The following GDA variants were observed in gnomAD, a reference collection of about 807,000 sequenced individuals.
GDA encodes the protein guanine deaminase, also known as cytoplasmic PSD-95 interactor.
A neutral mutation model predicts 59.6 loss-of-function variants in GDA; 18 were observed. That is an observed-to-expected ratio of 0.30 (90% CI 0.21 to 0.45). GDA has a LOEUF of 0.45. Among genes scored for constraint, GDA ranks in the 20% least tolerant of loss-of-function variants. The pLI is 1.00. For synonymous variants in GDA, 201 were observed against 201.1 expected (o/e 1.00, Z 0.00); for missense variants, 427 against 552.3 (o/e 0.77, Z 2.27).
chr9:72,248,396 C>G lies in GDA; in HGVS notation c.*54C>G, dbSNP rs1016917920. 2 of 1,610,064 alleles carry G rather than the reference C, an allele frequency of 1.2e-6. No individual in the cohort carries two copies. Among genetic ancestry groups the G allele is most frequent in the African/African-American group, 2.7e-5 (2 of 74,718 alleles). ...GGGATTAGCGTGGTTCTGCATCTCCCTTGTGCCCAGGTGGAGTTAGAAAGT... is the reference window on the plus strand; with the variant it reads ...GGGATTAGCGTGGTTCTGCATCTCCGTTGTGCCCAGGTGGAGTTAGAAAGT... On this transcript the variant is annotated 3_prime_UTR_variant, in exon 14 of 14. Coordinates refer to ENST00000358399, the MANE Select transcript of GDA (RefSeq NM_004293.5).
intron 8 of GDA, among the ~76,000 whole-genome samples, chr9:72,226,593 T>C (rs1454233214): frequency 6.6e-6 from 1 of 152,224 alleles, no homozygotes; most frequent in Non-Finnish European, 1.5e-5. Flanking sequence ...TTCAATGAAA[T>C]GTACAAACCG....
chr9:72,229,322 A>G (rs1046269193), intron 9 of GDA, among the ~76,000 whole-genome samples: 1 of 151,906 alleles, frequency 6.6e-6, no homozygotes, highest in Admixed American at 6.6e-5. Flanking sequence ...CTGCACTCCA[A>G]CCTGGGCGAC....
chr9:72,254,448 TA>T (rs1049510825), downstream of GDA, among the ~76,000 whole-genome samples: 20 of 145,280 alleles, frequency 1.4e-4, no homozygotes, highest in Middle Eastern at 3.5e-3. Flanking sequence ...AAAATGCAAT[TA>T]AAAAAAAAAC....
At chr9:72,172,967 G>A (rs1032159323) in intron 1 of GDA, among the ~76,000 whole-genome samples, 1 of 152,160 alleles carries the variant, frequency 6.6e-6, no homozygotes. Flanking sequence ...TTAGTGGGGA[G>A]ACAAATACCC....
intron 1 of GDA, among the ~76,000 whole-genome samples, chr9:72,143,086 C>A (rs1826499248): frequency 6.7e-6 from 1 of 149,186 alleles, no homozygotes; most frequent in Admixed American, 6.8e-5. Flanking sequence ...CTTTATAATC[C>A]ATGTTGGAGC....
At chr9:72,242,732 C>T (rs1839760484) in intron 11 of GDA, among the ~76,000 whole-genome samples, 1 of 152,116 alleles carries the variant, frequency 6.6e-6, no homozygotes, top group South Asian at 2.1e-4. Flanking sequence ...TTTCCAAAAT[C>T]CCAAGTTTCA....
rs75317624 is a variant in GDA at position 72,159,759 on chromosome 9, T to C, written c.123+10077T>C. Reference sequence around the variant, plus strand: ...AAACTTAAATAATTACTTTTGTAGATTGGGAATGGAGATTTGGAGCTATGG... The same window carrying C: ...AAACTTAAATAATTACTTTTGTAGACTGGGAATGGAGATTTGGAGCTATGG... On this transcript the variant is annotated intron_variant, in intron 1 of 13. Coordinates refer to ENST00000358399, the MANE Select transcript of GDA (RefSeq NM_004293.5). Among the ~76,000 whole-genome samples the C allele has an allele frequency of 6.0e-3, 908 of 152,318 alleles. 5 individuals carry two copies. The highest frequency in any genetic ancestry group is 0.021 in the African/African-American group (869 of 41,574).
intron 1 of GDA, among the ~76,000 whole-genome samples, chr9:72,159,915 A>G (rs1014967270): frequency 1.3e-5 from 2 of 152,172 alleles, no homozygotes; most frequent in African/African-American, 4.8e-5. Context: ...ATAACTTAAA[A>G]TTCACCATTT....
intron 1 of GDA, among the ~76,000 whole-genome samples, chr9:72,123,282 C>G (rs10869125): frequency 0.47 from 68,783 of 147,230 alleles, 17,709 homozygotes; most frequent in Non-Finnish European, 0.58. Context: ...CTCCCAGGTT[C>G]ACGCCATTCT....
At chr9:72,141,741 G>C (rs1826449242) in intron 1 of GDA, among the ~76,000 whole-genome samples, 1 of 152,194 alleles carries the variant, frequency 6.6e-6, no homozygotes, top group African/African-American at 2.4e-5. Context: ...GCTCAAACCA[G>C]TTAAGCTGCA....
At chr9:72,248,215 G>T in intron 13 of GDA, 57 bp from the exon 14 acceptor site, 1 of 1,182,212 alleles carries the variant, frequency 8.5e-7, no homozygotes, top group South Asian at 1.2e-5. Context: ...CAATGGCAAG[G>T]AAGATACTTA....
intron 12 of GDA, among the ~76,000 whole-genome samples, chr9:72,246,061 T>C: frequency 6.6e-6 from 1 of 152,176 alleles, no homozygotes; most frequent in East Asian, 1.9e-4. Flanking sequence ...AGAGGAAAAA[T>C]ATATTTTTCT....
chr9:72,240,396 A>G (rs1188127671), intron 10 of GDA, among the ~76,000 whole-genome samples: 2 of 152,194 alleles, frequency 1.3e-5, no homozygotes, highest in Non-Finnish European at 1.5e-5. Flanking sequence ...AATTATCTTT[A>G]TAACTATGCA....
At chr9:72,223,352 CCTAGAGTCACAGCATAA>C (rs1300124867) in intron 7 of GDA, 125 bp downstream of exon 7, 171 of 601,218 alleles carry the variant, frequency 2.8e-4, no homozygotes, top group Non-Finnish European at 2.5e-4. Context: ...ACTGAGATAT[CCTAGAGTCACAGCATAA>C]CAGGAGAGAA....
chr9:72,163,799 C>A (rs945783145), intron 1 of GDA, among the ~76,000 whole-genome samples: 1 of 152,108 alleles, frequency 6.6e-6, no homozygotes, highest in African/African-American at 2.4e-5. Flanking sequence ...GCCAACTATT[C>A]TTAAAGTCAC....
At chr9:72,220,785 C>G (rs544506204) in intron 6 of GDA, among the ~76,000 whole-genome samples, 19 of 152,318 alleles carry the variant, frequency 1.2e-4, no homozygotes, top group Non-Finnish European at 2.4e-4. Flanking sequence ...GTGTCTAGTC[C>G]TATGCCCCTG....
At chr9:72,158,525 A>C (rs528074996) in intron 1 of GDA, among the ~76,000 whole-genome samples, 2 of 151,984 alleles carry the variant, frequency 1.3e-5, no homozygotes, top group East Asian at 3.9e-4. Context: ...CCCGGGAGGC[A>C]GAGCTTGCAG....
intron 8 of GDA, 119 bp downstream of exon 8, chr9:72,225,903 A>C (rs1837499082): frequency 1.8e-6 from 1 of 556,488 alleles, no homozygotes; most frequent in Admixed American, 3.5e-5. Flanking sequence ...AATTTTTTTT[A>C]AAGTTTTAAT....
At chr9:72,155,039 G>A (rs1038509620) in intron 1 of GDA, among the ~76,000 whole-genome samples, 12 of 152,174 alleles carry the variant, frequency 7.9e-5, no homozygotes, top group African/African-American at 2.2e-4. Flanking sequence ...TTTCCCTAGC[G>A]TGAAGTGACA....
Sources: gnomAD v4.1 joint callset for allele counts (sites outside exome capture counted in the v4.1 genomes callset) on GRCh38, gnomAD v4.1.1 for gene constraint, MANE v1.5 for transcripts, NCBI Gene and HGNC (gene_info 2026-07-23, HGNC 2026-07-21) for gene names.